Variants in PUS7 observed in about 807,000 individuals in gnomAD.
PUS7 encodes the protein pseudouridine synthase 7.
PUS7 carries 48 observed loss-of-function variants against 79.8 expected under a neutral mutation model. The ratio of observed to expected loss-of-function variants is 0.60; its 90% CI spans 0.48 to 0.76. The LOEUF is 0.76. Among genes scored for constraint, PUS7 ranks in the 30% least tolerant of loss-of-function variants. The pLI, the probability that PUS7 is intolerant of heterozygous loss-of-function variation, is 0.00. For synonymous variants in PUS7, 286 were observed against 272.2 expected (o/e 1.05, Z -0.50); for missense variants, 729 against 797.6 (o/e 0.91, Z 1.04).
intron 8 of PUS7, 73 bp from the exon 9 acceptor site, chr7:105,481,250 T>C: frequency 7.3e-7 from 1 of 1,365,458 alleles, no homozygotes; most frequent in South Asian, 1.6e-5. Flanking sequence ...CATAAATGAC[T>C]ACGGCCTGGC....
At chr7:105,517,916 G>A (rs557967276) in intron 1 of PUS7, among the ~76,000 whole-genome samples, 3 of 152,302 alleles carry the variant, frequency 2.0e-5, no homozygotes, top group South Asian at 4.1e-4. Context: ...TTCGGAGTCC[G>A]AGGTGGGCAG....
intron 7 of PUS7, among the ~76,000 whole-genome samples, chr7:105,484,714 G>A (rs372322234): frequency 6.0e-5 from 9 of 151,132 alleles, no homozygotes; most frequent in African/African-American, 2.2e-4. Flanking sequence ...AGCTACTTGG[G>A]GGCTGAGGCA....
At chr7:105,489,388 G>A (rs1333366049) in intron 7 of PUS7, among the ~76,000 whole-genome samples, 1 of 151,832 alleles carries the variant, frequency 6.6e-6, no homozygotes, top group African/African-American at 2.4e-5. Flanking sequence ...AGTTTCTGGG[G>A]AGTCCCTGGT....
rs1269452761 is a variant in PUS7, at chr7:105,522,158, A to C, written c.-139T>G. 2 of 152,098 alleles carry C rather than the reference A, an allele frequency of 1.3e-5. No homozygotes were observed. Among genetic ancestry groups the C allele is most frequent in the African/African-American group, 4.8e-5 (2 of 41,418 alleles). 9.4% of individuals were successfully genotyped at this position (152,098 alleles called of 1,614,324 possible). A position where few individuals can be genotyped will look rare whatever the true frequency, so the allele number is the denominator to read the frequency against. On this transcript the variant is annotated 5_prime_UTR_variant, in exon 1 of 16. Transcript: ENST00000469408. ...AGGCCACTTGGATGAGCCAGCGGCT[A>C]GGGCGGCCAGGCAAAAGCAGCGCTT...
intron 15 of PUS7, among the ~76,000 whole-genome samples, chr7:105,458,807 C>T (rs558328695): frequency 3.3e-4 from 50 of 151,608 alleles, no homozygotes; most frequent in Admixed American, 7.2e-4. Flanking sequence ...GTGATCCGCC[C>T]GCCTCGGCCT....
rs779970861 is a variant in PUS7, at chr7:105,462,695, CAT to C, written c.1681_1682del (p.Met561GlufsTer24). ...AGGAATAATCTCGAATTTTGTGTCT[CAT>C]GTTGTCAATATCAAGATTGTCAGCT... The part of the protein sequence containing the change: ...LTADNLDIDN[M>X]RHKIRDYSLS... On this transcript the variant is annotated frameshift_variant, in exon 14 of 16. Transcript: ENST00000469408. LOFTEE classifies it high-confidence loss of function. 1 of 1,613,660 alleles carries C rather than the reference CAT, an allele frequency of 6.2e-7. No individual in the cohort carries two copies. Among genetic ancestry groups the C allele is most frequent in the South Asian group, 1.1e-5 (1 of 91,036 alleles).
intron 1 of PUS7, among the ~76,000 whole-genome samples, chr7:105,518,772 T>G (rs1235233799): frequency 6.6e-6 from 1 of 150,754 alleles, no homozygotes; most frequent in African/African-American, 2.4e-5. Flanking sequence ...TTTTATTTTA[T>G]TTTGTATATT....
At chr7:105,501,969 A>AAT (rs4006346) in intron 5 of PUS7, among the ~76,000 whole-genome samples, 79 of 73,702 alleles carry the variant, frequency 1.1e-3, no homozygotes, top group South Asian at 6.9e-3. Flanking sequence ...AAAAAAAAAA[A>AAT]ATATATATAT....
intron 13 of PUS7, among the ~76,000 whole-genome samples, chr7:105,464,330 A>T (rs1823551706): frequency 6.6e-6 from 1 of 152,194 alleles, no homozygotes; most frequent in Non-Finnish European, 1.5e-5. Flanking sequence ...TTCTTCTCAG[A>T]GGGAAATCCA....
At chr7:105,465,190 T>C (rs1031615459) in intron 13 of PUS7, 123 bp downstream of exon 13, 10 of 576,508 alleles carry the variant, frequency 1.7e-5, no homozygotes, top group Admixed American at 3.5e-5. Flanking sequence ...AATTTAAATT[T>C]TCCATGTGAA....
chr7:105,481,256 C>T (rs560448690), intron 8 of PUS7, 79 bp from the exon 9 acceptor site: 2 of 1,328,978 alleles, frequency 1.5e-6, no homozygotes, highest in East Asian at 5.1e-5. Context: ...TGACTACGGC[C>T]TGGCTTCCAA....
intron 11 of PUS7, among the ~76,000 whole-genome samples, chr7:105,469,842 C>A (rs530022650): frequency 1.2e-3 from 178 of 152,314 alleles, no homozygotes; most frequent in Non-Finnish European, 2.0e-3. Flanking sequence ...ATCTGCCCAC[C>A]TTGGCCTCCC....
chr7:105,462,850 G>T (rs1467013882), intron 13 of PUS7, 100 bp from the exon 14 acceptor site: 3 of 1,136,298 alleles, frequency 2.6e-6, no homozygotes, highest in South Asian at 1.5e-5. Flanking sequence ...CAGTTAGACT[G>T]CCCTAATAAA....
chr7:105,482,145 G>A (rs991599458), intron 8 of PUS7, among the ~76,000 whole-genome samples, 167 bp downstream of exon 8: 2 of 152,192 alleles, frequency 1.3e-5, no homozygotes, highest in African/African-American at 4.8e-5. Context: ...TGCTCTCACA[G>A]AGGTATCTGC....
chr7:105,456,731 A>G lies in PUS7; in HGVS notation c.*1059T>C, dbSNP rs745481039. 1 of 152,244 alleles carries G rather than the reference A, an allele frequency of 6.6e-6. No individual in the cohort carries two copies. The highest frequency in any genetic ancestry group is 1.5e-5 in the Non-Finnish European group (1 of 68,052). The allele number at this position is 152,244 out of a possible 1,614,324, so 9.4% of individuals were successfully genotyped here. A position where few individuals can be genotyped will look rare whatever the true frequency, so the allele number is the denominator to read the frequency against. On this transcript the variant is annotated 3_prime_UTR_variant, in exon 16 of 16. Transcript: ENST00000469408. ...GTGACAAAGGGTAAACGCTACTGAT[A>G]GAAGAAAGCCTTGTCCATTTTTATA...
chr7:105,504,567 G>A (rs1302665102), intron 4 of PUS7, among the ~76,000 whole-genome samples: 1 of 152,198 alleles, frequency 6.6e-6, no homozygotes, highest in African/African-American at 2.4e-5. Flanking sequence ...TTTTACAAAT[G>A]AGGAAGCTTG....
At chr7:105,485,302 C>T (rs1370123761) in intron 7 of PUS7, among the ~76,000 whole-genome samples, 3 of 152,200 alleles carry the variant, frequency 2.0e-5, no homozygotes, top group South Asian at 4.1e-4. Flanking sequence ...CTCCGCTTCC[C>T]GGGTTCAACC....
chr7:105,485,853 T>C (rs1403429430), intron 7 of PUS7, among the ~76,000 whole-genome samples: 1 of 152,050 alleles, frequency 6.6e-6, no homozygotes, highest in African/African-American at 2.4e-5. Context: ...TGGAGTGCAG[T>C]GGTGCGATCT....
Position 105,465,118 on chromosome 7 carries a change from T to C in PUS7, c.1627+195A>G, listed in dbSNP as rs555003890. ...GATTATAGGCGTGAGCCACCGTGCC[T>C]GACCTATTTATTTTATTTTATAATT... On this transcript the variant is annotated intron_variant, in intron 13 of 15. Coordinates refer to ENST00000469408, the MANE Select transcript of PUS7 (RefSeq NM_019042.5). 2.6e-5 allele frequency among the ~76,000 whole-genome samples: 4 copies of C among 152,318 alleles called. No individual in the cohort carries two copies. In the South Asian group the frequency reaches 8.3e-4, roughly 32 times the overall value.
Sources: gnomAD v4.1 joint callset for allele counts (sites outside exome capture counted in the v4.1 genomes callset) on GRCh38, gnomAD v4.1.1 for gene constraint, MANE v1.5 for transcripts, NCBI Gene and HGNC (gene_info 2026-07-23, HGNC 2026-07-21) for gene names.